Variants in AGBL4 observed in about 807,000 individuals in gnomAD.
The protein encoded by AGBL4 is AGBL carboxypeptidase 4.
Under a neutral mutation model 66.4 loss-of-function variants are expected in AGBL4, and 58 were observed. The observed-to-expected ratio is 0.87, with a 90% CI of 0.71 to 1.09. The LOEUF (loss-of-function observed/expected upper bound fraction) is 1.09, where lower values mean the gene tolerates loss of function less well. Among genes scored for constraint, AGBL4 ranks in the 50% least tolerant of loss-of-function variants. The probability of loss-of-function intolerance (pLI) is 0.00; values close to 1 mark genes in which losing one functional copy is unlikely to be tolerated. For synonymous variants in AGBL4, 234 were observed against 222.9 expected, an observed-to-expected ratio of 1.05 and a Z score of -0.44; for missense variants, 579 against 631.0, an observed-to-expected ratio of 0.92 and a Z score of 0.88.
intron 2 of AGBL4, among the ~76,000 whole-genome samples, chr1:49,849,103 G>C (rs1338686594): frequency 6.6e-6 from 1 of 152,176 alleles, no homozygotes; most frequent in Non-Finnish European, 1.5e-5. Context: ...AAGAGCTTCT[G>C]TGTGTACCCT....
intron 5 of AGBL4, among the ~76,000 whole-genome samples, chr1:48,957,881 TG>T (rs1657613026): frequency 6.6e-6 from 1 of 152,186 alleles, no homozygotes; most frequent in Admixed American, 6.5e-5. Context: ...AACACAACTC[TG>T]ACCGAATCAC....
chr1:49,419,701 A>G (rs2148640021), intron 3 of AGBL4, among the ~76,000 whole-genome samples: 1 of 152,290 alleles, frequency 6.6e-6, no homozygotes, highest in South Asian at 2.1e-4. Flanking sequence ...TCAGTGTTCA[A>G]ATTTTTGCCC....
chr1:49,110,101 A>G (rs556450994), intron 4 of AGBL4, among the ~76,000 whole-genome samples: 2 of 152,306 alleles, frequency 1.3e-5, no homozygotes, highest in East Asian at 3.9e-4. Context: ...TTGAAATCTA[A>G]TCCATTGATC....
chr1:49,874,317 A>C (rs915457442), intron 1 of AGBL4, among the ~76,000 whole-genome samples: 2 of 152,104 alleles, frequency 1.3e-5, no homozygotes, highest in African/African-American at 4.8e-5. Flanking sequence ...AAAAGTCTAA[A>C]CCATAAAAGA....
Position 48,892,827 on chromosome 1 carries a change from C to A in AGBL4, c.595-25597G>T, listed in dbSNP as rs4926772. Among the ~76,000 whole-genome samples the A allele has an allele frequency of 7.2e-5, 11 of 151,984 alleles. 1 individual carries two copies. The highest frequency in any genetic ancestry group is 4.1e-4 in the South Asian group (2 of 4,824). Reference sequence around the variant, plus strand: ...GGATATTTTCCTCTAACCATTCCCCCCCTTTTCTTTTTTAAAATCTTTTGG... The same window carrying A: ...GGATATTTTCCTCTAACCATTCCCCACCTTTTCTTTTTTAAAATCTTTTGG... On this transcript the variant is annotated intron_variant, in intron 5 of 13. Coordinates refer to ENST00000371839, the MANE Select transcript of AGBL4 (RefSeq NM_032785.4).
chr1:48,987,909 T>A (rs1327128723), intron 5 of AGBL4, among the ~76,000 whole-genome samples: 1 of 152,078 alleles, frequency 6.6e-6, no homozygotes, highest in Non-Finnish European at 1.5e-5. Flanking sequence ...ACCAGCCTAT[T>A]TTATAAGTCT....
At chr1:49,742,632 C>A (rs867919735) in intron 2 of AGBL4, among the ~76,000 whole-genome samples, 1 of 152,168 alleles carries the variant, frequency 6.6e-6, no homozygotes, top group Admixed American at 6.6e-5. Flanking sequence ...GGAAGCATCA[C>A]GCTACCTGAC....
At chr1:49,043,838 A>C (rs1326990398) in intron 5 of AGBL4, among the ~76,000 whole-genome samples, 2 of 152,216 alleles carry the variant, frequency 1.3e-5, no homozygotes, top group African/African-American at 4.8e-5. Flanking sequence ...TGAGTTGCAC[A>C]TAGGCCCTCT....
At chr1:49,803,589 T>C (rs1644911810) in intron 2 of AGBL4, among the ~76,000 whole-genome samples, 1 of 152,204 alleles carries the variant, frequency 6.6e-6, no homozygotes, top group Admixed American at 6.5e-5. Context: ...CTCTGTGATC[T>C]TGAAAAAGTC....
At chr1:49,617,210 GTA>G (rs1645265566) in intron 3 of AGBL4, among the ~76,000 whole-genome samples, 1 of 151,986 alleles carries the variant, frequency 6.6e-6, no homozygotes, top group South Asian at 2.1e-4. Flanking sequence ...CCTAAAATAC[GTA>G]TGTCAGTCAT....
intron 1 of AGBL4, among the ~76,000 whole-genome samples, chr1:49,878,781 A>T (rs547609367): frequency 7.0e-5 from 10 of 143,786 alleles, no homozygotes; most frequent in South Asian, 2.4e-4. Context: ...CCCATTATTA[A>T]TGTGTGGGAG....
At chr1:48,671,369 A>G (rs1230344157) in intron 6 of AGBL4, among the ~76,000 whole-genome samples, 1 of 152,264 alleles carries the variant, frequency 6.6e-6, no homozygotes, top group Non-Finnish European at 1.5e-5. Flanking sequence ...TGTCCCTGCC[A>G]TCCAGGAGCT....
At chr1:49,661,078 G>C (rs1221126452) in intron 3 of AGBL4, among the ~76,000 whole-genome samples, 1 of 152,000 alleles carries the variant, frequency 6.6e-6, no homozygotes, top group Non-Finnish European at 1.5e-5. Context: ...TAACAAACCT[G>C]CATATCCTGC....
chr1:48,779,483 A>G (rs1481449397), intron 6 of AGBL4, among the ~76,000 whole-genome samples: 3 of 152,162 alleles, frequency 2.0e-5, no homozygotes, highest in East Asian at 1.9e-4. Context: ...AGGATAGCCT[A>G]TCTCTTTCTA....
chr1:49,943,073 A>T (rs1571922748), intron 1 of AGBL4, among the ~76,000 whole-genome samples: 1 of 152,210 alleles, frequency 6.6e-6, no homozygotes, highest in Non-Finnish European at 1.5e-5. Context: ...GGTGCTCAAC[A>T]TCACTAATCA....
chr1:48,701,657 T>G (rs768292554), intron 6 of AGBL4, among the ~76,000 whole-genome samples: 1 of 152,190 alleles, frequency 6.6e-6, no homozygotes, highest in Non-Finnish European at 1.5e-5. Context: ...GCTTTAAAAT[T>G]GTTAATGTAT....
rs558104932 is a variant in AGBL4, at chr1:49,208,670, A to G, written c.377+37100T>C. Reference sequence around the variant, plus strand: ...TTATCTTCTCACCTTACCATAGTGCATTTGTCCCACAGAATTGCTGGTTTT... The same window carrying G: ...TTATCTTCTCACCTTACCATAGTGCGTTTGTCCCACAGAATTGCTGGTTTT... On this transcript the variant is annotated intron_variant, in intron 4 of 13. Transcript: ENST00000371839. Among the ~76,000 whole-genome samples, 6 of 152,150 alleles carry G rather than the reference A, an allele frequency of 3.9e-5. No homozygotes were observed. The South Asian group carries it at 1.2e-3, about 32-fold the overall frequency.
intron 4 of AGBL4, among the ~76,000 whole-genome samples, chr1:49,122,257 C>T (rs1287778821): frequency 6.6e-6 from 1 of 152,222 alleles, no homozygotes; most frequent in Non-Finnish European, 1.5e-5. Flanking sequence ...CCAGGTACCT[C>T]AGTTGGAAAT....
chr1:49,614,034 C>T (rs1251256465), intron 3 of AGBL4, among the ~76,000 whole-genome samples: 1 of 152,116 alleles, frequency 6.6e-6, no homozygotes, highest in Non-Finnish European at 1.5e-5. Flanking sequence ...CACTTGTTTG[C>T]TATGATCTTG....
Sources: gnomAD v4.1 joint callset for allele counts (sites outside exome capture counted in the v4.1 genomes callset) on GRCh38, gnomAD v4.1.1 for gene constraint, MANE v1.5 for transcripts, NCBI Gene and HGNC (gene_info 2026-07-23, HGNC 2026-07-21) for gene names.